The following CCDC158 variants were observed in gnomAD, a reference collection of about 807,000 sequenced individuals.
The protein encoded by CCDC158 is coiled-coil domain containing 158.
Under a neutral mutation model 138.6 loss-of-function variants are expected in CCDC158, and 116 were observed. That is an observed-to-expected ratio of 0.84 (90% CI 0.72 to 0.98). The LOEUF is 0.98. CCDC158 is among the 50% of genes least tolerant of loss of function. The pLI is 0.00. For synonymous variants in CCDC158, 436 were observed against 442.4 expected (o/e 0.99, Z 0.18); for missense variants, 1,265 against 1,306.1 (o/e 0.97, Z 0.48).
intron 4 of CCDC158, among the ~76,000 whole-genome samples, chr4:76,392,150 C>T (rs1336851318): frequency 1.3e-5 from 2 of 151,912 alleles, no homozygotes; most frequent in African/African-American, 4.8e-5. Context: ...GATACCAAAA[C>T]CAGACAAAGA....
At chr4:76,372,663 G>T (rs184395955) in intron 9 of CCDC158, among the ~76,000 whole-genome samples, 94 of 152,216 alleles carry the variant, frequency 6.2e-4, no homozygotes, top group African/African-American at 2.2e-3. Flanking sequence ...TATATTTACA[G>T]TAGGACAATT....
chr4:76,421,471 C>T (rs145165657), upstream of CCDC158, among the ~76,000 whole-genome samples: 1 of 152,226 alleles, frequency 6.6e-6, no homozygotes, highest in Non-Finnish European at 1.5e-5. Flanking sequence ...TCTGCCGCTT[C>T]TCCCACAGCC....
intron 12 of CCDC158, among the ~76,000 whole-genome samples, chr4:76,366,638 AACAC>A (rs1553895921): frequency 1.4e-5 from 2 of 147,864 alleles, no homozygotes; most frequent in African/African-American, 5.1e-5. Flanking sequence ...CACACACACA[AACAC>A]ACACACACAC....
At chr4:76,387,821 TAAA>T (rs57778797) in intron 4 of CCDC158, among the ~76,000 whole-genome samples, 4 of 104,028 alleles carry the variant, frequency 3.8e-5, no homozygotes, top group Admixed American at 1.0e-4. Context: ...AGACTACAAC[TAAA>T]AAAAAAAAAA....
intron 24 of CCDC158, among the ~76,000 whole-genome samples, chr4:76,317,126 G>T (rs898177855): frequency 6.6e-6 from 1 of 151,462 alleles, no homozygotes; most frequent in East Asian, 1.9e-4. Flanking sequence ...ACAGTATCTC[G>T]TATTTCAATA....
intron 16 of CCDC158, 144 bp downstream of exon 16, chr4:76,352,979 G>A: frequency 1.6e-6 from 1 of 629,224 alleles, no homozygotes. Flanking sequence ...ATAGGATAGG[G>A]TTTTCCTTTG....
chr4:76,321,937 T>C (rs1019493805), intron 24 of CCDC158, among the ~76,000 whole-genome samples: 3 of 151,644 alleles, frequency 2.0e-5, no homozygotes, highest in African/African-American at 4.8e-5. Flanking sequence ...GTTCTCATTA[T>C]ATGTGGGAGC....
At chr4:76,340,950 C>T (rs1911737) in intron 18 of CCDC158, among the ~76,000 whole-genome samples, 127,997 of 152,018 alleles carry the variant, frequency 0.84, 54,141 homozygotes, top group South Asian at 0.94. Flanking sequence ...AGGGCACATA[C>T]ATTTGCAGGG....
In CCDC158 at chr4:76,367,401, T is replaced by C; in HGVS notation, c.1723A>G (p.Thr575Ala). ...EILRQQIENM[T>A]QLVGQHGRTA... ...CGTCCATGCTGGCCCACCAGCTGTG[T>C]CATGTTCTCAATCTGCTGTCGCAGA... Residue 575 changes from threonine (T) to alanine (A), a missense_variant, in exon 12 of 25, where the codon ACA (threonine) becomes GCA (alanine). By Grantham distance (58) the Thr-to-Ala change is moderately conservative. Transcript: ENST00000682701. 2 of 1,614,272 alleles carry C rather than the reference T, an allele frequency of 1.2e-6. No individual in the cohort carries two copies. Among genetic ancestry groups the C allele is most frequent in the Non-Finnish European group, 1.7e-6 (2 of 1,180,040 alleles).
chr4:76,332,161 T>C (rs1465133667), intron 20 of CCDC158, among the ~76,000 whole-genome samples: 6 of 152,118 alleles, frequency 3.9e-5, no homozygotes. Context: ...GAAAAAGTCT[T>C]CCATTTTTGA....
Position 76,384,295 on chromosome 4 carries a change from CTCTA to C in CCDC158, c.515_518del (p.Ile172SerfsTer6), listed in dbSNP as rs779540212. 1.3e-5 allele frequency: 21 copies of C among 1,614,004 alleles called. No homozygotes were observed. In the African/African-American group the frequency reaches 2.3e-4, roughly 17 times the overall value. ...GACTAAGCATCATTTTTCGTAGTTG[CTCTA>C]TCTGTGTGTTGCTGTCTTTCAGCAT... On this transcript the variant is annotated frameshift_variant, in exon 6 of 25. Transcript: ENST00000682701. LOFTEE classifies it high-confidence loss of function.
At chr4:76,372,925 T>C (rs192536394) in intron 9 of CCDC158, among the ~76,000 whole-genome samples, 1 of 152,308 alleles carries the variant, frequency 6.6e-6, no homozygotes, top group East Asian at 1.9e-4. Flanking sequence ...CTCGGCTCAC[T>C]GCAACCTCCG....
rs185143269 is a variant in CCDC158 at position 76,354,121 on chromosome 4, G to A, written c.2287-840C>T. On this transcript the variant is annotated intron_variant, in intron 15 of 24. Coordinates refer to ENST00000682701, the MANE Select transcript of CCDC158 (RefSeq NM_001394954.1). Reference sequence around the variant, plus strand: ...TTTGGAGGGAATATCTTAGAGCTACGATGAATATTTTCCTTTAGGCAAGGC... The same window carrying A: ...TTTGGAGGGAATATCTTAGAGCTACAATGAATATTTTCCTTTAGGCAAGGC... Among the ~76,000 whole-genome samples the A allele has an allele frequency of 9.9e-4, 149 of 150,406 alleles. 2 individuals carry two copies. The highest frequency in any genetic ancestry group is 9.3e-3 in the Admixed American group (139 of 14,930).
intron 2 of CCDC158, among the ~76,000 whole-genome samples, chr4:76,403,482 G>A (rs1218297266): frequency 6.6e-6 from 1 of 152,034 alleles, no homozygotes; most frequent in East Asian, 1.9e-4. Flanking sequence ...GATTTTAATA[G>A]CCAAGTACAT....
intron 1 of CCDC158, among the ~76,000 whole-genome samples, chr4:76,413,038 A>G (rs758405981): frequency 2.6e-5 from 4 of 152,168 alleles, no homozygotes; most frequent in African/African-American, 4.8e-5. Flanking sequence ...TGACCAGGCA[A>G]CATCACTTGT....
intron 18 of CCDC158, among the ~76,000 whole-genome samples, chr4:76,340,123 A>T (rs550334424): frequency 6.6e-6 from 1 of 152,354 alleles, no homozygotes; most frequent in Admixed American, 6.5e-5. Context: ...TCAGGGGAGA[A>T]CAACAACTAT....
intron 18 of CCDC158, among the ~76,000 whole-genome samples, chr4:76,338,222 T>C (rs1241165805): frequency 2.6e-5 from 4 of 152,076 alleles, no homozygotes; most frequent in African/African-American, 4.8e-5. Flanking sequence ...CAGATTAACA[T>C]TAGCAAAAGC....
At chr4:76,333,181 A>G (rs1721157315) in intron 19 of CCDC158, among the ~76,000 whole-genome samples, 1 of 152,148 alleles carries the variant, frequency 6.6e-6, no homozygotes, top group Non-Finnish European at 1.5e-5. Context: ...AATTAGATAA[A>G]CTCAGCTAAT....
Position 76,351,768 on chromosome 4 carries a change from C to T in CCDC158, c.2490G>A (p.Gln830=), listed in dbSNP as rs553105680. ...FAECQDIIQR[Q]EQESVRLKLQ... The stretch of plus-strand genomic sequence containing the variant: ...GTTTTAAGCGCACTGATTCTTGCTC[C>T]TGACGCTGTATTATATCTTGACATT... The change falls in exon 17 of 25, where the codon CAG becomes CAA. Residue 830 remains glutamine (Q), a synonymous_variant. Transcript: ENST00000682701. The T allele has an allele frequency of 6.2e-7, 1 of 1,613,452 alleles. No individual in the cohort carries two copies. The highest frequency in any genetic ancestry group is 8.5e-7 in the Non-Finnish European group (1 of 1,179,536).
Sources: allele counts gnomAD v4.1 joint callset (sites outside exome capture counted in the v4.1 genomes callset), GRCh38; gene constraint gnomAD v4.1.1; transcripts MANE v1.5; gene names NCBI Gene and HGNC (gene_info 2026-07-23, HGNC 2026-07-21).